DAZAP1: variants seen among roughly 807,000 people sequenced by gnomAD.
DAZAP1 encodes DAZ associated protein 1.
A neutral mutation model predicts 60.1 loss-of-function variants in DAZAP1; 6 were observed. The observed-to-expected ratio is 0.10, with a 90% CI of 0.05 to 0.20. The LOEUF (loss-of-function observed/expected upper bound fraction) is 0.20. Among genes scored for constraint, DAZAP1 ranks in the 10% least tolerant of loss-of-function variants. The pLI, the probability that DAZAP1 is intolerant of heterozygous loss-of-function variation, is 1.00. For synonymous variants in DAZAP1, 235 were observed against 215.9 expected (o/e 1.09, Z -0.78); for missense variants, 366 against 560.4 (o/e 0.65, Z 3.50).
At position 1,434,644 on chromosome 19, in the gene DAZAP1, C is replaced by A; in HGVS notation, c.1049-93C>A. The A allele has an allele frequency of 1.4e-6, 2 of 1,405,234 alleles. No individual in the cohort carries two copies. The highest frequency in any genetic ancestry group is 1.3e-5 in the South Asian group (1 of 79,754). The allele number at this position is 1,405,234 out of a possible 1,614,324, so 87.0% of individuals were successfully genotyped here. On this transcript the variant is annotated intron_variant, in intron 11 of 11. Transcript: ENST00000233078. The surrounding 1 kb of genome is among the most constrained non-coding windows in gnomAD (Gnocchi z 8.0). ...CCCCGTGGGACCCGTGGACTCAAGG[C>A]AGGCTCGGCGGAGCTGTGTCCAGGT...
At chr19:1,410,494 C>T (rs265271) in intron 1 of DAZAP1, among the ~76,000 whole-genome samples, 67 of 152,164 alleles carry the variant, frequency 4.4e-4, no homozygotes, top group Admixed American at 1.1e-3. Flanking sequence ...AGAGCACGCG[C>T]GATCAGGAAG....
intron 5 of DAZAP1, among the ~76,000 whole-genome samples, chr19:1,421,726 C>G (rs1025331684): frequency 6.6e-6 from 1 of 152,188 alleles, no homozygotes; most frequent in African/African-American, 2.4e-5. Flanking sequence ...AAGGCAGGGG[C>G]GTGTGGTCAC....
chr19:1,408,505 A>ACTCGGGG (rs1030550849), intron 1 of DAZAP1, among the ~76,000 whole-genome samples: 1 of 151,986 alleles, frequency 6.6e-6, no homozygotes, highest in African/African-American at 2.4e-5. Flanking sequence ...AACCTATCCC[A>ACTCGGGG]CTCGGGGCTC....
At position 1,429,008 on chromosome 19, in the gene DAZAP1, C is replaced by A. The variant is rs770850114; in HGVS notation, c.700+13C>A. The A allele has an allele frequency of 2.6e-6, 4 of 1,565,444 alleles. No individual in the cohort carries two copies. The highest frequency in any genetic ancestry group is 3.5e-6 in the Non-Finnish European group (4 of 1,157,058). On this transcript the variant is annotated intron_variant, in intron 8 of 11. Transcript: ENST00000233078. ...TATGGCCCGCAAGGTAAGGCTGATG[C>A]AGAGGTGCCCACGGGAATGTCCCCC... is the stretch of plus-strand genomic sequence containing the variant.
intron 5 of DAZAP1, 128 bp downstream of exon 5, chr19:1,421,386 C>T (rs1194286821): frequency 3.9e-6 from 3 of 760,328 alleles, no homozygotes; most frequent in Non-Finnish European, 4.3e-6. Context: ...CTCGCTGTCT[C>T]GTATTTCCCC....
rs1475760593 is a variant in DAZAP1 at position 1,433,482 on chromosome 19, G to A, written c.1048+792G>A. 1.9e-6 allele frequency: 1 copy of A among 529,158 alleles called. No individual in the cohort carries two copies. The highest frequency in any genetic ancestry group is 2.2e-5 in the South Asian group (1 of 45,602). 32.8% of individuals were successfully genotyped at this position (529,158 alleles called of 1,614,324 possible). ...ACACGCTTCCTCTAGGCCTGGTGGAGGCCGGGGTGTGGGAGCTGTGTTCGG... is the reference window on the plus strand; with the variant it reads ...ACACGCTTCCTCTAGGCCTGGTGGAAGCCGGGGTGTGGGAGCTGTGTTCGG... On this transcript the variant is annotated intron_variant, in intron 11 of 11. Transcript: ENST00000233078. The surrounding 1 kb of genome is among the most constrained non-coding windows in gnomAD (Gnocchi z 6.1).
chr19:1,423,422 T>A lies in DAZAP1; in HGVS notation c.463+1026T>A, dbSNP rs1254096021. ...TGTGATTAACGATATCTCTTTAGATTTCTCTTCTCCAGGTGCTAAATTATA... is the reference window on the plus strand; with the variant it reads ...TGTGATTAACGATATCTCTTTAGATATCTCTTCTCCAGGTGCTAAATTATA... On this transcript the variant is annotated intron_variant, in intron 6 of 11. Coordinates refer to ENST00000233078, the MANE Select transcript of DAZAP1 (RefSeq NM_018959.4). This position sits in a 1 kb window ranked among gnomAD's most constrained non-coding sequence, Gnocchi z 6.8. Among the ~76,000 whole-genome samples, 1 of 152,248 alleles carries A rather than the reference T, an allele frequency of 6.6e-6. No homozygotes were observed. Among genetic ancestry groups the A allele is most frequent in the Non-Finnish European group, 1.5e-5 (1 of 68,040 alleles).
intron 1 of DAZAP1, chr19:1,417,223 TCCC>T: frequency 2.0e-6 from 1 of 504,586 alleles, no homozygotes; most frequent in South Asian, 2.4e-5. Flanking sequence ...CACTGGCCTG[TCCC>T]AGGAACTCAT....
At chr19:1,414,785 A>AT (rs906748543) in intron 1 of DAZAP1, among the ~76,000 whole-genome samples, 12 of 151,768 alleles carry the variant, frequency 7.9e-5, no homozygotes, top group Non-Finnish European at 1.3e-4. Context: ...GTATTTGAGT[A>AT]TTTTTTATTT....
intron 1 of DAZAP1, among the ~76,000 whole-genome samples, chr19:1,415,043 A>G (rs1049236766): frequency 4.6e-5 from 7 of 152,090 alleles, no homozygotes; most frequent in African/African-American, 7.2e-5. Context: ...CTGTGATTAT[A>G]GGCGTGATCT....
chr19:1,408,496 A>G (rs563696251), intron 1 of DAZAP1, among the ~76,000 whole-genome samples: 1 of 152,220 alleles, frequency 6.6e-6, no homozygotes, highest in South Asian at 2.1e-4. Context: ...CCACCGCCCA[A>G]CCTATCCCAC....
At chr19:1,430,794 C>G (rs1326793936) in intron 10 of DAZAP1, among the ~76,000 whole-genome samples, 1 of 148,256 alleles carries the variant, frequency 6.7e-6, no homozygotes, top group African/African-American at 2.5e-5. Context: ...AATCGCGGCT[C>G]ACTGCAAGCT....
chr19:1,424,176 G>A (rs544427455), intron 6 of DAZAP1, among the ~76,000 whole-genome samples: 3 of 152,042 alleles, frequency 2.0e-5, no homozygotes, highest in Admixed American at 6.5e-5. Flanking sequence ...GTGTCTGTGC[G>A]GGTCCCTGCT....
intron 2 of DAZAP1, among the ~76,000 whole-genome samples, chr19:1,417,962 A>C (rs973649280): frequency 6.6e-6 from 1 of 152,208 alleles, no homozygotes; most frequent in African/African-American, 2.4e-5. Context: ...GGACGCCTAC[A>C]AAGTCAGGTT....
At position 1,425,545 on chromosome 19, in the gene DAZAP1, C is replaced by T. The variant is rs1569081902; in HGVS notation, c.464-333C>T. On this transcript the variant is annotated intron_variant, in intron 6 of 11. Transcript: ENST00000233078. The surrounding 1 kb of genome is among the most constrained non-coding windows in gnomAD (Gnocchi z 5.4). The stretch of plus-strand genomic sequence containing the variant: ...TAGCGATGGAGGCCCTCACCGTTCC[C>T]CTGTCTCCGCTGCTGTTTTATAAGA... Among the ~76,000 whole-genome samples, 1 of 152,246 alleles carries T rather than the reference C, an allele frequency of 6.6e-6. No individual in the cohort carries two copies. Among genetic ancestry groups the T allele is most frequent in the Non-Finnish European group, 1.5e-5 (1 of 68,040 alleles).
chr19:1,422,253 C>T lies in DAZAP1; in HGVS notation c.415-95C>T, dbSNP rs1377679041. ...CCGCTCAGGGAGGGCGCACCCTGTG[C>T]GAGAGTTTGGGTTCGTGGGAACAGG... On this transcript the variant is annotated intron_variant, in intron 5 of 11. Transcript: ENST00000233078. The surrounding 1 kb of genome is among the most constrained non-coding windows in gnomAD (Gnocchi z 4.5). 21 of 1,179,094 alleles carry T rather than the reference C, an allele frequency of 1.8e-5. No individual in the cohort carries two copies. The highest frequency in any genetic ancestry group is 2.4e-5 in the Non-Finnish European group (19 of 796,464). The allele number at this position is 1,179,094 out of a possible 1,614,324, so 73.0% of individuals were successfully genotyped here.
Position 1,430,267 on chromosome 19 carries a change from C to T in DAZAP1, c.776C>T (p.Pro259Leu). 7.5e-7 allele frequency: 1 copy of T among 1,329,674 alleles called. No homozygotes were observed. The highest frequency in any genetic ancestry group is 1.1e-6 in the Non-Finnish European group (1 of 949,038). 82.4% of individuals were successfully genotyped at this position (1,329,674 alleles called of 1,614,324 possible). Residue 259 changes from proline to leucine, a missense_variant, in exon 10 of 12, where the codon CCC becomes CTC. By Grantham distance (98) the Pro-to-Leu change is moderately conservative (BLOSUM62 -3). This residue lies in a region of DAZAP1 where 240 missense variants were observed against 308.8 expected (regional missense o/e 0.78). Transcript: ENST00000233078. Reference protein sequence around the residue: ...PPAGRGAPPPPPPFTSYIVST... With the variant: ...PPAGRGAPPPLPPFTSYIVST... ...GCAGGAAGAGGAGCCCCCCCGCCAC[C>T]CCCACCGTTCACCTCCTACATCGTG...
At chr19:1,427,917 T>C (rs1041054279) in intron 7 of DAZAP1, 3 of 152,208 alleles carry the variant, frequency 2.0e-5, no homozygotes, top group Middle Eastern at 3.2e-3. Context: ...TTATTCTCAT[T>C]ACGATTTATC....
Position 1,428,103 on chromosome 19 carries a change from C to A in DAZAP1, c.547-739C>A, listed in dbSNP as rs2083350589. ...TCCATTGTCCCCGGCCCCGCACCCT[C>A]CTCCTGAGAAGACTGTGGCTCCTGA... is the stretch of plus-strand genomic sequence containing the variant. On this transcript the variant is annotated intron_variant, in intron 7 of 11. Coordinates refer to ENST00000233078, the MANE Select transcript of DAZAP1 (RefSeq NM_018959.4). The surrounding 1 kb of genome is among the most constrained non-coding windows in gnomAD (Gnocchi z 4.0). The A allele has an allele frequency of 1.3e-5, 2 of 152,256 alleles. No individual in the cohort carries two copies. The highest frequency in any genetic ancestry group is 4.8e-5 in the African/African-American group (2 of 41,442). The allele number at this position is 152,256 out of a possible 1,614,324, so 9.4% of individuals were successfully genotyped here. A position where few individuals can be genotyped will look rare whatever the true frequency, so the allele number is the denominator to read the frequency against.
Sources: allele counts gnomAD v4.1 joint callset (sites outside exome capture counted in the v4.1 genomes callset), GRCh38; gene constraint gnomAD v4.1.1; regional missense constraint gnomAD v4.1.1; non-coding constraint Gnocchi (gnomAD v3.1); transcripts MANE v1.5; gene names NCBI Gene and HGNC (gene_info 2026-07-23, HGNC 2026-07-21).